The following ARMH1 variants were observed in gnomAD, a reference collection of about 807,000 sequenced individuals.
ARMH1 encodes the protein armadillo like helical domain containing 1, also known as armadillo-like helical domain containing protein 1.
In ARMH1, 34 loss-of-function variants were observed where a neutral mutation model predicts 50.2. The ratio of observed to expected loss-of-function variants is 0.68; its 90% CI spans 0.51 to 0.90. The LOEUF (loss-of-function observed/expected upper bound fraction) is 0.90. ARMH1 is among the 40% of genes least tolerant of loss of function. The pLI is 0.00. For synonymous variants in ARMH1, 221 were observed against 224.2 expected, an observed-to-expected ratio of 0.99 and a Z score of 0.13; for missense variants, 538 against 553.9, an observed-to-expected ratio of 0.97 and a Z score of 0.29.
At chr1:44,676,311 T>C (rs547572180) in intron 1 of ARMH1, among the ~76,000 whole-genome samples, 33 of 152,220 alleles carry the variant, frequency 2.2e-4, no homozygotes, top group African/African-American at 5.5e-4. Context: ...CAGAAGGCCA[T>C]TGGATATGCC....
At chr1:44,704,275 A>T in intron 6 of ARMH1, 102 bp downstream of exon 6, 1 of 879,198 alleles carries the variant, frequency 1.1e-6, no homozygotes, top group Non-Finnish European at 1.8e-6. Flanking sequence ...TGAGTGTCTG[A>T]GACAGCCTTG....
intron 6 of ARMH1, among the ~76,000 whole-genome samples, chr1:44,723,600 G>C (rs2148802997): frequency 6.6e-6 from 1 of 152,236 alleles, no homozygotes; most frequent in South Asian, 2.1e-4. Flanking sequence ...ACCTCATCTG[G>C]TTCTGGTGAG....
intron 1 of ARMH1, among the ~76,000 whole-genome samples, chr1:44,680,466 G>A (rs996765599): frequency 3.2e-4 from 48 of 152,360 alleles, no homozygotes; most frequent in African/African-American, 9.6e-4. Context: ...AAGCCACTGC[G>A]CCCAGCTGGG....
chr1:44,713,962 C>T, intron 6 of ARMH1, among the ~76,000 whole-genome samples: 1 of 152,168 alleles, frequency 6.6e-6, no homozygotes, highest in East Asian at 1.9e-4. Flanking sequence ...CAACATTGAG[C>T]TTTGAACAGA....
At chr1:44,700,388 T>C (rs367931661) in intron 4 of ARMH1, among the ~76,000 whole-genome samples, 5 of 152,078 alleles carry the variant, frequency 3.3e-5, no homozygotes, top group East Asian at 3.9e-4. Context: ...GAGGCCAAGG[T>C]GGGCGCATCA....
At chr1:44,720,003 T>C (rs577277884) in intron 6 of ARMH1, among the ~76,000 whole-genome samples, 1 of 152,188 alleles carries the variant, frequency 6.6e-6, no homozygotes, top group Non-Finnish European at 1.5e-5. Flanking sequence ...GAGACCAGCC[T>C]GGCCAACATG....
intron 6 of ARMH1, among the ~76,000 whole-genome samples, chr1:44,709,543 G>GGC (rs1646501749): frequency 6.6e-6 from 1 of 152,042 alleles, no homozygotes; most frequent in Non-Finnish European, 1.5e-5. Flanking sequence ...GTAGTGGCAT[G>GGC]CGCCTGTAGT....
Position 44,725,281 on chromosome 1 carries a change from CT to C in ARMH1, c.1211-9del, listed in dbSNP as rs1404471302. On this transcript the variant is annotated splice_polypyrimidine_tract_variant and intron_variant, in intron 11 of 11. Coordinates refer to ENST00000535358, the MANE Select transcript of ARMH1 (RefSeq NM_001145636.2). ...CAGCACAGCCTCACGCCCGCCTTTC[CT>C]GCCTGCAGCCCTGTGCCTCCATGGC... is the stretch of plus-strand genomic sequence containing the variant. 1.3e-6 allele frequency: 2 copies of C among 1,551,848 alleles called. No individual in the cohort carries two copies. The highest frequency in any genetic ancestry group is 1.4e-5 in the African/African-American group (1 of 73,196).
chr1:44,709,489 G>T lies in ARMH1; in HGVS notation c.724+5316G>T, dbSNP rs148604895. Among the ~76,000 whole-genome samples, 36 of 152,222 alleles carry T rather than the reference G, an allele frequency of 2.4e-4. No homozygotes were observed. The East Asian group carries it at 3.3e-3, about 14-fold the overall frequency. On this transcript the variant is annotated intron_variant, in intron 6 of 11. Coordinates refer to ENST00000535358, the MANE Select transcript of ARMH1 (RefSeq NM_001145636.2). ...AGATCGAGACCATCCTGGCTAACAC[G>T]GTGAAACCCCATCTCTACTAAAAAT...
chr1:44,721,875 T>TA (rs1557570128), intron 6 of ARMH1: 1 of 152,236 alleles, frequency 6.6e-6, no homozygotes, highest in African/African-American at 2.4e-5. Context: ...GCGAAAGATT[T>TA]ATTCGTTATG....
At chr1:44,678,947 C>T (rs1029223039) in intron 1 of ARMH1, among the ~76,000 whole-genome samples, 3 of 152,144 alleles carry the variant, frequency 2.0e-5, no homozygotes, top group African/African-American at 7.2e-5. Context: ...AGTTTCCCTG[C>T]ATGAAGAAGA....
chr1:44,689,557 T>G (rs1424431830), intron 1 of ARMH1, 119 bp from the exon 2 acceptor site: 1 of 770,798 alleles, frequency 1.3e-6, no homozygotes, highest in Non-Finnish European at 2.1e-6. Flanking sequence ...ATTTTGCGCA[T>G]AACTACATCC....
chr1:44,684,183 G>A (rs763004349), intron 1 of ARMH1, among the ~76,000 whole-genome samples: 12 of 152,250 alleles, frequency 7.9e-5, no homozygotes, highest in Middle Eastern at 3.4e-3. Flanking sequence ...ATTTATCCCA[G>A]CAACTGACTC....
At chr1:44,680,601 G>A (rs1290213996) in intron 1 of ARMH1, among the ~76,000 whole-genome samples, 1 of 152,242 alleles carries the variant, frequency 6.6e-6, no homozygotes, top group African/African-American at 2.4e-5. Context: ...GGAAAAAGTA[G>A]TTAGGAGATG....
chr1:44,725,435 C>G lies in ARMH1; in HGVS notation c.*32C>G. On this transcript the variant is annotated 3_prime_UTR_variant, in exon 12 of 12. Transcript: ENST00000535358. ...CTGTGGCAAACCAGGAAGGCCAAGG[C>G]TGCGGGGCAGGGAAGCCTGGCAAGA... 1 of 1,548,700 alleles carries G rather than the reference C, an allele frequency of 6.5e-7. No individual in the cohort carries two copies. Among genetic ancestry groups the G allele is most frequent in the Non-Finnish European group, 8.7e-7 (1 of 1,144,382 alleles).
chr1:44,700,924 T>C lies in ARMH1; in HGVS notation c.444T>C (p.Gly148=), dbSNP rs1419219473. ...GCATTTCCTCTCTTCTTTGCTCAGGTGTACGATCCATAGCAGAATTTTTGG... is the reference window on the plus strand; with the variant it reads ...GCATTTCCTCTCTTCTTTGCTCAGGCGTACGATCCATAGCAGAATTTTTGG... ...TYKELICESY[G]VRSIAEFLAK... is the part of the protein sequence containing the mutation. The change falls in exon 5 of 12, where the codon GGT becomes GGC. Residue 148 remains glycine (G), a splice_region_variant and synonymous_variant. Coordinates refer to ENST00000535358, the MANE Select transcript of ARMH1 (RefSeq NM_001145636.2). 6.5e-7 allele frequency: 1 copy of C among 1,547,658 alleles called. No individual in the cohort carries two copies. Among genetic ancestry groups the C allele is most frequent in the Non-Finnish European group, 8.7e-7 (1 of 1,145,280 alleles).
At chr1:44,706,985 A>G (rs1423312120) in intron 6 of ARMH1, among the ~76,000 whole-genome samples, 3 of 152,040 alleles carry the variant, frequency 2.0e-5, no homozygotes, top group Middle Eastern at 3.2e-3. Context: ...TCATCCGTCC[A>G]TCACTTCTCA....
chr1:44,706,250 C>CA (rs1646337123), intron 6 of ARMH1, among the ~76,000 whole-genome samples: 1 of 152,118 alleles, frequency 6.6e-6, no homozygotes, highest in South Asian at 2.1e-4. Context: ...GTTCAAATGA[C>CA]AAAATAAGAA....
In ARMH1 at chr1:44,681,317, T is replaced by A. The variant is rs1003951706; in HGVS notation, c.-23+6444T>A. Among the ~76,000 whole-genome samples the A allele has an allele frequency of 5.9e-5, 9 of 151,956 alleles. No homozygotes were observed. The highest frequency in any genetic ancestry group is 2.1e-4 in the South Asian group (1 of 4,816). On this transcript the variant is annotated intron_variant, in intron 1 of 11. Coordinates refer to ENST00000535358, the MANE Select transcript of ARMH1 (RefSeq NM_001145636.2). The surrounding 1 kb of genome is among the most constrained non-coding windows in gnomAD (Gnocchi z 4.3). ...GCCGTGAGGCTCCATTTCTAAAAAA[T>A]TTTTTTAAGTTAGCCAGGCATGGTG...
Sources: gnomAD v4.1 joint callset for allele counts (sites outside exome capture counted in the v4.1 genomes callset) on GRCh38, gnomAD v4.1.1 for gene constraint, Gnocchi (gnomAD v3.1) non-coding constraint, MANE v1.5 for transcripts, NCBI Gene and HGNC (gene_info 2026-07-23, HGNC 2026-07-21) for gene names.